The following LPGAT1 variants were observed in gnomAD, a reference collection of about 807,000 sequenced individuals.
The protein encoded by LPGAT1 is lysophosphatidylglycerol acyltransferase 1.
In LPGAT1, 11 loss-of-function variants were observed where a neutral mutation model predicts 47.5. The observed-to-expected ratio is 0.23, with a 90% CI of 0.15 to 0.38. The LOEUF is 0.38. Among genes scored for constraint, LPGAT1 ranks in the 10% least tolerant of loss-of-function variants. LPGAT1 has a pLI of 1.00. For missense variants in LPGAT1, 293 were observed against 439.0 expected, an observed-to-expected ratio of 0.67 and a Z score of 2.97; for synonymous variants, 138 against 144.2, an observed-to-expected ratio of 0.96 and a Z score of 0.31.
At chr1:211,757,665 C>A (rs766166719) in intron 6 of LPGAT1, among the ~76,000 whole-genome samples, 44 of 152,082 alleles carry the variant, frequency 2.9e-4, no homozygotes, top group Admixed American at 2.0e-4. Flanking sequence ...AAGATGAAGT[C>A]TTGACAGAGA....
intron 6 of LPGAT1, among the ~76,000 whole-genome samples, chr1:211,770,447 G>A (rs116792112): frequency 0.023 from 3,428 of 151,924 alleles, 130 homozygotes; most frequent in African/African-American, 0.078. Context: ...TTTTTCTTCT[G>A]GGTTTTAAAT....
chr1:211,808,348 C>T (rs1462140609), intron 2 of LPGAT1, among the ~76,000 whole-genome samples: 2 of 80,848 alleles, frequency 2.5e-5, no homozygotes, highest in Non-Finnish European at 4.6e-5. Context: ...GAAACTCCGT[C>T]TCAAAAAAAA....
At chr1:211,810,541 A>G (rs566346896) in intron 2 of LPGAT1, among the ~76,000 whole-genome samples, 1 of 152,124 alleles carries the variant, frequency 6.6e-6, no homozygotes, top group Admixed American at 6.5e-5. Flanking sequence ...TCATGCCAGC[A>G]TCTCACTTAG....
intron 6 of LPGAT1, among the ~76,000 whole-genome samples, chr1:211,755,345 AT>A (rs1301506247): frequency 4.6e-5 from 7 of 151,930 alleles, no homozygotes. Context: ...CTCAAAAAAA[AT>A]AAAAATAAAA....
At chr1:211,751,604 T>C (rs1478326582) in intron 6 of LPGAT1, among the ~76,000 whole-genome samples, 1 of 152,154 alleles carries the variant, frequency 6.6e-6, no homozygotes, top group Non-Finnish European at 1.5e-5. Context: ...CAGAACACTA[T>C]TCTCAAGATC....
intron 2 of LPGAT1, among the ~76,000 whole-genome samples, chr1:211,795,111 G>A (rs552202151): frequency 5.3e-5 from 8 of 152,130 alleles, no homozygotes; most frequent in South Asian, 4.2e-4. Context: ...TTTAGATATC[G>A]GTTCCACAAC....
At chr1:211,757,281 C>A (rs1018036542) in intron 6 of LPGAT1, among the ~76,000 whole-genome samples, 2 of 151,738 alleles carry the variant, frequency 1.3e-5, no homozygotes, top group Non-Finnish European at 1.5e-5. Flanking sequence ...ATTGGGCAGA[C>A]TGCCTGGGGT....
chr1:211,815,940 G>A (rs1458197143), intron 2 of LPGAT1, among the ~76,000 whole-genome samples: 2 of 151,732 alleles, frequency 1.3e-5, no homozygotes, highest in African/African-American at 4.8e-5. Context: ...CACCACGCCC[G>A]GCTAATTTTT....
chr1:211,771,997 CT>C (rs1658192448), intron 6 of LPGAT1, among the ~76,000 whole-genome samples: 1 of 152,198 alleles, frequency 6.6e-6, no homozygotes, highest in African/African-American at 2.4e-5. Flanking sequence ...CCTCAAACCC[CT>C]GGGCTCAAGC....
chr1:211,806,678 A>T (rs11487823), intron 2 of LPGAT1, among the ~76,000 whole-genome samples: 3,641 of 152,110 alleles, frequency 0.024, 82 homozygotes, highest in South Asian at 0.11. Context: ...AACAAATAAA[A>T]TTTTTTTAAA....
chr1:211,774,954 C>T (rs1658336194), intron 6 of LPGAT1, among the ~76,000 whole-genome samples: 1 of 152,046 alleles, frequency 6.6e-6, no homozygotes, highest in African/African-American at 2.4e-5. Context: ...TCTTTTTCTA[C>T]TTAAATAATT....
At chr1:211,761,904 C>T (rs1657713632) in intron 6 of LPGAT1, among the ~76,000 whole-genome samples, 2 of 152,120 alleles carry the variant, frequency 1.3e-5, no homozygotes, top group Non-Finnish European at 2.9e-5. Flanking sequence ...TACCTAAATT[C>T]TATCCACCAT....
At position 211,829,108 on chromosome 1, in the gene LPGAT1, T is replaced by C; in HGVS notation, c.189A>G (p.Lys63=). 1 of 1,614,150 alleles carries C rather than the reference T, an allele frequency of 6.2e-7. No homozygotes were observed. The highest frequency in any genetic ancestry group is 1.1e-5 in the South Asian group (1 of 91,072). Residue 63 remains lysine, a synonymous_variant, in exon 2 of 8, where the codon AAA becomes AAG. Coordinates refer to ENST00000366997, the MANE Select transcript of LPGAT1 (RefSeq NM_014873.3). Reference sequence around the variant, plus strand: ...AGGAAGCTACCATTCCTAAAAGCCATTTATACATGATTCCTTCGATATACC... The same window carrying C: ...AGGAAGCTACCATTCCTAAAAGCCACTTATACATGATTCCTTCGATATACC... The part of the protein sequence containing the change: ...RFWYIEGIMY[K]WLLGMVASWG...
intron 6 of LPGAT1, 132 bp downstream of exon 6, chr1:211,778,785 TA>T: frequency 1.6e-6 from 1 of 640,752 alleles, no homozygotes; most frequent in Non-Finnish European, 2.4e-6. Context: ...ATTTTAATAT[TA>T]AAAATGCAGC....
intron 2 of LPGAT1, among the ~76,000 whole-genome samples, chr1:211,808,197 T>G (rs1265271579): frequency 6.6e-6 from 1 of 151,708 alleles, no homozygotes; most frequent in Non-Finnish European, 1.5e-5. Flanking sequence ...AATACAAAAT[T>G]AGCCGGGTGT....
intron 6 of LPGAT1, among the ~76,000 whole-genome samples, chr1:211,761,296 C>T (rs573440646): frequency 1.6e-3 from 248 of 152,260 alleles, no homozygotes; most frequent in African/African-American, 5.7e-3. Context: ...TGGCACCCTT[C>T]TCATTAAAAA....
chr1:211,778,987 G>C lies in LPGAT1; in HGVS notation c.785C>G (p.Ala262Gly), dbSNP rs776576062. 4 of 1,610,956 alleles carry C rather than the reference G, an allele frequency of 2.5e-6. No homozygotes were observed. In the South Asian group the frequency reaches 4.4e-5, roughly 18 times the overall value. Residue 262 changes from alanine (A) to glycine (G), a missense_variant, in exon 6 of 8, where the codon GCT (alanine) becomes GGT (glycine). Ala to Gly is a moderately conservative substitution (Grantham distance 60). Transcript: ENST00000366997. The part of the protein sequence containing the change: ...IIDTTIAYPK[A>G]EPIDIQTWIL... ...CCAGGTTTGAATATCTATAGGTTCAGCTTTGGGATAAGCTATCGTTGTATC... is the reference window on the plus strand; with the variant it reads ...CCAGGTTTGAATATCTATAGGTTCACCTTTGGGATAAGCTATCGTTGTATC...
Position 211,820,019 on chromosome 1 carries a change from T to C in LPGAT1, c.238+9040A>G, listed in dbSNP as rs374019695. Among the ~76,000 whole-genome samples, 60 of 151,028 alleles carry C rather than the reference T, an allele frequency of 4.0e-4. 3 individuals carry two copies. The highest frequency in any genetic ancestry group is 2.1e-3 in the East Asian group (11 of 5,162). On this transcript the variant is annotated intron_variant, in intron 2 of 7. Coordinates refer to ENST00000366997, the MANE Select transcript of LPGAT1 (RefSeq NM_014873.3). The stretch of plus-strand genomic sequence containing the variant: ...AAGGCAGGCAGGGGGGTGGTTTACA[T>C]TGGCATGCTGGAGCCATGTCCCTCC...
In LPGAT1 at chr1:211,744,195, T is replaced by G. The variant is rs947517163; in HGVS notation, c.*5704A>C. 6.6e-6 allele frequency: 1 copy of G among 152,186 alleles called. No homozygotes were observed. The highest frequency in any genetic ancestry group is 2.4e-5 in the African/African-American group (1 of 41,432). 9.4% of individuals were successfully genotyped at this position (152,186 alleles called of 1,614,324 possible). ...CAGCAAGTAGATTAACTATGAGAAG[T>G]TTATTCAACACTAATAGTTAAGAAA... On this transcript the variant is annotated 3_prime_UTR_variant, in exon 8 of 8. Coordinates refer to ENST00000366997, the MANE Select transcript of LPGAT1 (RefSeq NM_014873.3).
Sources: gnomAD v4.1 joint callset for allele counts (sites outside exome capture counted in the v4.1 genomes callset) on GRCh38, gnomAD v4.1.1 for gene constraint, MANE v1.5 for transcripts, NCBI Gene and HGNC (gene_info 2026-07-23, HGNC 2026-07-21) for gene names.